Variants in SCAPER observed in about 807,000 individuals in gnomAD.
SCAPER encodes S-phase cyclin A associated protein in the ER, also known as S phase cyclin A-associated protein in the endoplasmic reticulum.
A neutral mutation model predicts 182.2 loss-of-function variants in SCAPER; 98 were observed. That is an observed-to-expected ratio of 0.54 (90% CI 0.46 to 0.64). The LOEUF (loss-of-function observed/expected upper bound fraction) is 0.64. Ranked by LOEUF, SCAPER falls within the 30% of genes least tolerant of loss-of-function variation. The probability of loss-of-function intolerance (pLI) is 0.00; values close to 1 mark genes in which losing one functional copy is unlikely to be tolerated. For missense variants in SCAPER, 1,432 were observed against 1,690.0 expected, an observed-to-expected ratio of 0.85 and a Z score of 2.68; for synonymous variants, 605 against 564.6, an observed-to-expected ratio of 1.07 and a Z score of -1.01.
chr15:76,350,535 G>A (rs892054508), intron 31 of SCAPER: 2 of 151,920 alleles, frequency 1.3e-5, no homozygotes, highest in African/African-American at 4.8e-5. Context: ...AGAAGATCTG[G>A]ATTAGGTTCT....
intron 24 of SCAPER, among the ~76,000 whole-genome samples, chr15:76,497,383 T>C (rs1204165051): frequency 6.6e-6 from 1 of 152,068 alleles, no homozygotes; most frequent in African/African-American, 2.4e-5. Context: ...GACCTCTCTT[T>C]AGAGTTTAGT....
chr15:76,610,345 G>C (rs1009193788), intron 22 of SCAPER, among the ~76,000 whole-genome samples: 1 of 152,098 alleles, frequency 6.6e-6, no homozygotes, highest in African/African-American at 2.4e-5. Context: ...CCAGACCTCA[G>C]GCAAAATAGA....
intron 21 of SCAPER, among the ~76,000 whole-genome samples, chr15:76,640,233 A>T (rs1213457033): frequency 6.6e-6 from 1 of 152,198 alleles, no homozygotes; most frequent in Non-Finnish European, 1.5e-5. Context: ...AAAATTGGCC[A>T]ATCAAATTAA....
intron 17 of SCAPER, among the ~76,000 whole-genome samples, chr15:76,722,821 C>T (rs2060337133): frequency 6.6e-6 from 1 of 151,766 alleles, no homozygotes; most frequent in Admixed American, 6.6e-5. Context: ...TCTCTCTTTT[C>T]TTCTTTATTA....
intron 5 of SCAPER, among the ~76,000 whole-genome samples, chr15:76,808,204 T>C (rs905925305): frequency 6.6e-6 from 1 of 152,200 alleles, no homozygotes; most frequent in East Asian, 1.9e-4. Flanking sequence ...CTTTTCCAGC[T>C]GCAGCCTGAG....
chr15:76,812,859 A>G (rs975820617), intron 5 of SCAPER, among the ~76,000 whole-genome samples: 1 of 151,558 alleles, frequency 6.6e-6, no homozygotes, highest in African/African-American at 2.4e-5. Flanking sequence ...TCTACCAAAC[A>G]TTCAAAAAAA....
chr15:76,755,464 C>T (rs2062363059), intron 14 of SCAPER, among the ~76,000 whole-genome samples: 3 of 152,182 alleles, frequency 2.0e-5, no homozygotes, highest in Admixed American at 2.0e-4. Context: ...AAATAATATG[C>T]TTAACCCATG....
Position 76,765,591 on chromosome 15 carries a change from G to C in SCAPER, c.1467C>G (p.Asp489Glu). 1 of 1,591,314 alleles carries C rather than the reference G, an allele frequency of 6.3e-7. No homozygotes were observed. Among genetic ancestry groups the C allele is most frequent in the Non-Finnish European group, 8.6e-7 (1 of 1,167,796 alleles). ...GSVSFCGMSM[D>E]WNDVLADYEA... is the part of the protein sequence containing the mutation. ...CATAATCTGCAAGGACATCGTTCCAGTCCATGGACATACCACAGAAAGAAA... is the reference window on the plus strand; with the variant it reads ...CATAATCTGCAAGGACATCGTTCCACTCCATGGACATACCACAGAAAGAAA... Residue 489 changes from aspartate to glutamate, a missense_variant, in exon 12 of 32, where the codon GAC (aspartate) becomes GAG (glutamate). Asp to Glu is a conservative substitution (Grantham distance 45, BLOSUM62 2). Transcript: ENST00000563290.
intron 16 of SCAPER, among the ~76,000 whole-genome samples, chr15:76,729,874 A>C (rs999654513): frequency 6.6e-6 from 1 of 151,996 alleles, no homozygotes; most frequent in African/African-American, 2.4e-5. Flanking sequence ...CATGTTCCTC[A>C]TCTTATTGAT....
chr15:76,475,807 T>G (rs1445868230), intron 24 of SCAPER, among the ~76,000 whole-genome samples: 1 of 152,164 alleles, frequency 6.6e-6, no homozygotes, highest in African/African-American at 2.4e-5. Context: ...TGTTCCTTTG[T>G]GATACAGTGA....
At chr15:76,868,808 A>G (rs1309786698) in intron 2 of SCAPER, among the ~76,000 whole-genome samples, 19 of 152,214 alleles carry the variant, frequency 1.2e-4, no homozygotes, top group Admixed American at 1.2e-3. Flanking sequence ...ATGGAACACA[A>G]AATACCCCAA....
At chr15:76,891,007 G>T (rs1332488090) in intron 1 of SCAPER, among the ~76,000 whole-genome samples, 1 of 152,116 alleles carries the variant, frequency 6.6e-6, no homozygotes, top group African/African-American at 2.4e-5. Context: ...ATGCAAGGCT[G>T]GTTCAACATA....
chr15:76,455,364 G>C (rs1469863771), intron 25 of SCAPER, among the ~76,000 whole-genome samples: 1 of 152,192 alleles, frequency 6.6e-6, no homozygotes, highest in African/African-American at 2.4e-5. Flanking sequence ...ATTTCTAAAT[G>C]TATATATGGA....
intron 9 of SCAPER, among the ~76,000 whole-genome samples, chr15:76,773,192 C>G (rs961787263): frequency 6.6e-6 from 1 of 151,784 alleles, no homozygotes; most frequent in Non-Finnish European, 1.5e-5. Flanking sequence ...ATAACAAAAT[C>G]AAAGCTAAAA....
At chr15:76,577,256 G>A (rs2047901310) in intron 22 of SCAPER, among the ~76,000 whole-genome samples, 1 of 152,028 alleles carries the variant, frequency 6.6e-6, no homozygotes, top group African/African-American at 2.4e-5. Context: ...GACCAGCCTG[G>A]GCAACATGGT....
At chr15:76,563,467 AG>A (rs2046798524) in intron 23 of SCAPER, among the ~76,000 whole-genome samples, 1 of 152,218 alleles carries the variant, frequency 6.6e-6, no homozygotes, top group Non-Finnish European at 1.5e-5. Context: ...AGACTGAACC[AG>A]GAAGACACTG....
chr15:76,881,239 G>A (rs1244373936), intron 2 of SCAPER, among the ~76,000 whole-genome samples: 1 of 152,132 alleles, frequency 6.6e-6, no homozygotes, highest in African/African-American at 2.4e-5. Context: ...GGGACTAAAG[G>A]TGCATATCAC....
At chr15:76,365,279 AG>A in intron 29 of SCAPER, among the ~76,000 whole-genome samples, 1 of 152,376 alleles carries the variant, frequency 6.6e-6, no homozygotes, top group East Asian at 1.9e-4. Flanking sequence ...AAATGAGAGA[AG>A]GAATGAGTGA....
intron 4 of SCAPER, among the ~76,000 whole-genome samples, chr15:76,854,682 G>A (rs940601330): frequency 1.6e-4 from 24 of 151,612 alleles, no homozygotes; most frequent in Admixed American, 2.0e-4. Flanking sequence ...AAACATGGCC[G>A]GGCACGGTAG....
Sources: allele counts gnomAD v4.1 joint callset (sites outside exome capture counted in the v4.1 genomes callset), GRCh38; gene constraint gnomAD v4.1.1; transcripts MANE v1.5; gene names NCBI Gene and HGNC (gene_info 2026-07-23, HGNC 2026-07-21).